Variants in SLC35F4 observed in about 807,000 individuals in gnomAD.
The protein encoded by SLC35F4 is chromosome 14 open reading frame 36.
Under a neutral mutation model 44.2 loss-of-function variants are expected in SLC35F4, and 24 were observed. The ratio of observed to expected loss-of-function variants is 0.54; its 90% CI spans 0.39 to 0.76. The LOEUF (loss-of-function observed/expected upper bound fraction) is 0.76. SLC35F4 is among the 30% of genes least tolerant of loss of function. The pLI, the probability that SLC35F4 is intolerant of heterozygous loss-of-function variation, is 0.00. For synonymous variants in SLC35F4, 238 were observed against 223.6 expected (o/e 1.06, Z -0.57); for missense variants, 562 against 586.1 (o/e 0.96, Z 0.42).
At chr14:57,829,172 C>T (rs902326590) in intron 1 of SLC35F4, among the ~76,000 whole-genome samples, 1 of 152,188 alleles carries the variant, frequency 6.6e-6, no homozygotes, top group Non-Finnish European at 1.5e-5. Context: ...GCATTCAGAA[C>T]AGGACCACCA....
chr14:57,970,316 C>T (rs755978276), intron 1 of SLC35F4, among the ~76,000 whole-genome samples: 2 of 151,978 alleles, frequency 1.3e-5, no homozygotes, highest in Non-Finnish European at 2.9e-5. Flanking sequence ...ATACTTTCAC[C>T]TTTTTAAAAT....
At chr14:57,685,221 C>T (rs904791890) in intron 1 of SLC35F4, among the ~76,000 whole-genome samples, 3 of 152,118 alleles carry the variant, frequency 2.0e-5, no homozygotes, top group Non-Finnish European at 4.4e-5. Flanking sequence ...AGGCCTCCCA[C>T]TTCTGGTGGC....
At chr14:57,844,353 C>G (rs1337652949) in intron 1 of SLC35F4, among the ~76,000 whole-genome samples, 1 of 152,168 alleles carries the variant, frequency 6.6e-6, no homozygotes, top group Non-Finnish European at 1.5e-5. Flanking sequence ...TAACACGGGG[C>G]AAGACTGTAA....
At chr14:57,807,887 G>A (rs1595112679) in intron 1 of SLC35F4, among the ~76,000 whole-genome samples, 2 of 151,792 alleles carry the variant, frequency 1.3e-5, no homozygotes, top group Admixed American at 6.6e-5. Context: ...ATGGCTGGGG[G>A]GCCTCACAAT....
At chr14:57,614,707 A>G (rs977964013) in intron 1 of SLC35F4, among the ~76,000 whole-genome samples, 2 of 152,170 alleles carry the variant, frequency 1.3e-5, no homozygotes, top group African/African-American at 4.8e-5. Flanking sequence ...ATGGCAGATG[A>G]GCTCTAGATC....
chr14:57,573,163 T>C (rs1162457269), intron 4 of SLC35F4, among the ~76,000 whole-genome samples: 1 of 152,200 alleles, frequency 6.6e-6, no homozygotes, highest in Non-Finnish European at 1.5e-5. Flanking sequence ...ATTTTTAACA[T>C]GTAATTACTG....
chr14:57,797,442 C>T (rs761265371), intron 1 of SLC35F4, among the ~76,000 whole-genome samples: 10 of 152,290 alleles, frequency 6.6e-5, no homozygotes, highest in East Asian at 3.9e-4. Context: ...TCCTCATCCC[C>T]GCTTTGCCCA....
chr14:57,586,717 CAAAAAAAAA>C (rs543963927), intron 3 of SLC35F4, among the ~76,000 whole-genome samples: 23 of 12,494 alleles, frequency 1.8e-3, no homozygotes, highest in Non-Finnish European at 5.9e-3. Context: ...GACTCTGTCT[CAAAAAAAAA>C]AAAAAAAAAA....
intron 1 of SLC35F4, among the ~76,000 whole-genome samples, chr14:57,700,556 T>G (rs2075508418): frequency 6.6e-6 from 1 of 152,138 alleles, no homozygotes. Flanking sequence ...ATTAAAAAAT[T>G]TTTGACTCTT....
chr14:57,598,425 T>C (rs2070619319), intron 1 of SLC35F4, among the ~76,000 whole-genome samples: 3 of 152,314 alleles, frequency 2.0e-5, no homozygotes, highest in Admixed American at 6.5e-5. Flanking sequence ...CTTGGGTGTT[T>C]AGGAACTTCA....
downstream of SLC35F4, among the ~76,000 whole-genome samples, chr14:57,974,412 C>G (rs528827433): frequency 6.6e-6 from 1 of 152,308 alleles, no homozygotes; most frequent in Non-Finnish European, 1.5e-5. Context: ...TTAAAGCCAG[C>G]TCAGATTCAA....
intron 1 of SLC35F4, among the ~76,000 whole-genome samples, chr14:57,912,173 A>G (rs1194915266): frequency 1.3e-5 from 2 of 151,856 alleles, no homozygotes; most frequent in Non-Finnish European, 2.9e-5. Flanking sequence ...CCTGGCTAGA[A>G]GATTACTAAT....
chr14:57,617,981 T>A (rs991605443), intron 1 of SLC35F4, among the ~76,000 whole-genome samples: 2 of 151,986 alleles, frequency 1.3e-5, no homozygotes, highest in Admixed American at 1.3e-4. Context: ...TCTAGTAGAG[T>A]CAGTTTGTTC....
chr14:57,864,669 G>A (rs918385598), intron 1 of SLC35F4, among the ~76,000 whole-genome samples: 4 of 152,294 alleles, frequency 2.6e-5, no homozygotes, highest in East Asian at 1.9e-4. Context: ...AGAAAAATAC[G>A]TATCAGAAAT....
intron 1 of SLC35F4, among the ~76,000 whole-genome samples, chr14:57,858,373 C>CT (rs1323150218): frequency 2.0e-5 from 3 of 151,960 alleles, no homozygotes; most frequent in African/African-American, 7.3e-5. Flanking sequence ...AGTTCATGTC[C>CT]TTTGTAGGGA....
At position 57,939,691 on chromosome 14, in the gene SLC35F4, T is replaced by A. The variant is rs142497498; in HGVS notation, n.282+42222A>T. On this transcript the variant is annotated intron_variant and non_coding_transcript_variant, in intron 1 of 1. Transcript: ENST00000556568. ...CATTTAATTAATGGAGTTGGAATAATGTGGAATTGAATTGGACAGTTAAAT... is the reference window on the plus strand; with the variant it reads ...CATTTAATTAATGGAGTTGGAATAAAGTGGAATTGAATTGGACAGTTAAAT... Among the ~76,000 whole-genome samples, 7 of 152,310 alleles carry A rather than the reference T, an allele frequency of 4.6e-5. No individual in the cohort carries two copies. In the East Asian group the frequency reaches 1.2e-3, roughly 25 times the overall value.
intron 1 of SLC35F4, among the ~76,000 whole-genome samples, chr14:57,888,364 C>T (rs1225506152): frequency 2.6e-5 from 4 of 152,176 alleles, no homozygotes; most frequent in Non-Finnish European, 5.9e-5. Context: ...TCCTGAAATC[C>T]CCTTCCATGT....
chr14:57,594,062 C>T lies in SLC35F4; in HGVS notation c.166G>A (p.Gly56Ser). ...PGANCPSSHS[G>S]ISRQLSPLSV... ...AGTGGGGACAGTTGTCTACTGATGC[C>T]ACTGTGTGAACTGGGGCAGTTGGCT... Residue 56 changes from glycine to serine, a missense_variant, in exon 2 of 8, where the codon GGC becomes AGC. By Grantham distance (56) the Gly-to-Ser change is moderately conservative. Transcript: ENST00000556826. 1 of 1,613,894 alleles carries T rather than the reference C, an allele frequency of 6.2e-7. No individual in the cohort carries two copies.
At chr14:57,865,166 A>G (rs1002981950) in intron 1 of SLC35F4, among the ~76,000 whole-genome samples, 1 of 151,042 alleles carries the variant, frequency 6.6e-6, no homozygotes, top group Admixed American at 6.6e-5. Flanking sequence ...AGAACCTCCT[A>G]AAGATACTGT....
Sources: allele counts gnomAD v4.1 joint callset (sites outside exome capture counted in the v4.1 genomes callset), GRCh38; gene constraint gnomAD v4.1.1; transcripts MANE v1.5; gene names NCBI Gene and HGNC (gene_info 2026-07-23, HGNC 2026-07-21).